The following ELMOD1 variants were observed in gnomAD, a reference collection of about 807,000 sequenced individuals.
ELMOD1 encodes the protein ELMO domain-containing protein 1.
A neutral mutation model predicts 46.7 loss-of-function variants in ELMOD1; 21 were observed. That is an observed-to-expected ratio of 0.45 (90% confidence interval 0.32 to 0.65). ELMOD1 has a LOEUF of 0.65. Ranked by LOEUF, ELMOD1 falls within the 30% of genes least tolerant of loss-of-function variation. ELMOD1 has a pLI of 0.04. For missense variants in ELMOD1, 348 were observed against 407.8 expected (o/e 0.85, Z 1.26); for synonymous variants, 122 against 138.2 (o/e 0.88, Z 0.82).
At chr11:107,644,119 A>T (rs1276125182) in intron 6 of ELMOD1, among the ~76,000 whole-genome samples, 1 of 151,924 alleles carries the variant, frequency 6.6e-6, no homozygotes, top group Admixed American at 6.6e-5. Flanking sequence ...CTAAAAAATA[A>T]AATAAAATAA....
At chr11:107,635,596 G>A in intron 5 of ELMOD1, 40 bp from the exon 6 acceptor site, 4 of 1,596,318 alleles carry the variant, frequency 2.5e-6, no homozygotes, top group Non-Finnish European at 3.4e-6. Flanking sequence ...TGAATGCCCT[G>A]TTCTTCCTTG....
intron 7 of ELMOD1, 66 bp from the exon 8 acceptor site, chr11:107,650,269 T>C: frequency 8.5e-7 from 1 of 1,177,512 alleles, no homozygotes; most frequent in Non-Finnish European, 1.2e-6. Context: ...TCGAATTGGA[T>C]TAAAATGAAT....
intron 2 of ELMOD1, chr11:107,620,466 G>C (rs1432470955): frequency 6.6e-6 from 1 of 152,222 alleles, no homozygotes; most frequent in Non-Finnish European, 1.5e-5. Flanking sequence ...AATGCTATTT[G>C]ATTAGTACAC....
At chr11:107,632,634 A>G (rs1367580591) in intron 5 of ELMOD1, among the ~76,000 whole-genome samples, 2 of 152,210 alleles carry the variant, frequency 1.3e-5, no homozygotes, top group Non-Finnish European at 2.9e-5. Context: ...TTACTTATAT[A>G]GTAAAGGTCT....
chr11:107,630,606 G>A (rs1173265338), intron 3 of ELMOD1, 44 bp downstream of exon 3: 1 of 1,605,274 alleles, frequency 6.2e-7, no homozygotes, highest in Admixed American at 1.7e-5. Flanking sequence ...GAGTTGGTAT[G>A]ATGGAAGATA....
At chr11:107,655,340 C>T (rs1866608302) in intron 10 of ELMOD1, among the ~76,000 whole-genome samples, 1 of 152,018 alleles carries the variant, frequency 6.6e-6, no homozygotes, top group Non-Finnish European at 1.5e-5. Flanking sequence ...ATTAAAAATG[C>T]TATAATGAAT....
intron 5 of ELMOD1, among the ~76,000 whole-genome samples, chr11:107,633,030 T>C (rs1454214488): frequency 6.6e-6 from 1 of 152,230 alleles, no homozygotes; most frequent in African/African-American, 2.4e-5. Flanking sequence ...TTGTATAAAA[T>C]TACCTTCAGG....
chr11:107,594,107 G>A (rs1356416647), intron 1 of ELMOD1, among the ~76,000 whole-genome samples: 1 of 152,022 alleles, frequency 6.6e-6, no homozygotes, highest in Non-Finnish European at 1.5e-5. Flanking sequence ...GAGTTGCTGT[G>A]CCAGTAGTGT....
At chr11:107,646,375 A>G (rs1451310953) in intron 6 of ELMOD1, among the ~76,000 whole-genome samples, 1 of 152,210 alleles carries the variant, frequency 6.6e-6, no homozygotes, top group Non-Finnish European at 1.5e-5. Context: ...CATGAACATT[A>G]CTGATATTCC....
rs577404444 is a variant in ELMOD1 at position 107,637,771 on chromosome 11, A to T, written c.420+2006A>T. On this transcript the variant is annotated intron_variant, in intron 6 of 11. Transcript: ENST00000265840. ...CTAAGGTATCTTTGAAATGTTTTCC[A>T]TGCCCAATGCCTTATTCTAGCCATC... Among the ~76,000 whole-genome samples, 57 of 152,144 alleles carry T rather than the reference A, an allele frequency of 3.7e-4. 1 individual carries two copies. The highest frequency in any genetic ancestry group is 3.1e-3 in the Admixed American group (48 of 15,288).
At chr11:107,608,463 C>T (rs1174316753) in intron 1 of ELMOD1, among the ~76,000 whole-genome samples, 3 of 152,070 alleles carry the variant, frequency 2.0e-5, no homozygotes, top group African/African-American at 7.2e-5. Flanking sequence ...GACTGAAGAA[C>T]GAAATCACCA....
chr11:107,655,988 G>T lies in ELMOD1; in HGVS notation c.754G>T (p.Val252Phe). The T allele has an allele frequency of 6.3e-7, 1 of 1,592,504 alleles. No homozygotes were observed. The highest frequency in any genetic ancestry group is 8.6e-7 in the Non-Finnish European group (1 of 1,167,882). The change falls in exon 11 of 12, where the codon GTC (valine) becomes TTC (phenylalanine). Residue 252 changes from valine (V) to phenylalanine (F), a missense_variant. By Grantham distance (50) the Val-to-Phe change is conservative (BLOSUM62 -1). Transcript: ENST00000265840. ...AACTGACCTGGCATATAATCTACTG[G>T]TCAGCGGAGCTCTAAAAACCCATTT... ...NITDLAYNLLVSGALKTHFYN... is the reference protein window; with the variant it reads ...NITDLAYNLLFSGALKTHFYN...
chr11:107,651,490 T>C (rs1243034007), intron 9 of ELMOD1, among the ~76,000 whole-genome samples: 4 of 152,274 alleles, frequency 2.6e-5, no homozygotes, highest in East Asian at 1.9e-4. Context: ...GGGCTTTTTT[T>C]CCCCCTCCAC....
intron 10 of ELMOD1, 48 bp downstream of exon 10, chr11:107,654,270 C>G (rs763957076): frequency 2.7e-6 from 4 of 1,492,096 alleles, no homozygotes; most frequent in Non-Finnish European, 2.8e-6. Flanking sequence ...GAAACAGAAC[C>G]AGAACTAGAA....
intron 9 of ELMOD1, among the ~76,000 whole-genome samples, chr11:107,652,026 T>C (rs1360864609): frequency 2.0e-5 from 3 of 152,190 alleles, no homozygotes; most frequent in Non-Finnish European, 4.4e-5. Flanking sequence ...TGTGTAGTCA[T>C]GTATATAAAA....
chr11:107,599,184 G>C (rs1311863478), intron 1 of ELMOD1, among the ~76,000 whole-genome samples: 1 of 152,132 alleles, frequency 6.6e-6, no homozygotes, highest in Non-Finnish European at 1.5e-5. Context: ...TTTAAAAATT[G>C]ATTTAGTACA....
chr11:107,657,001 G>A (rs1434198441), intron 11 of ELMOD1, among the ~76,000 whole-genome samples: 1 of 151,964 alleles, frequency 6.6e-6, no homozygotes, highest in African/African-American at 2.4e-5. Flanking sequence ...CTAAGGAAGG[G>A]GAATCAAAGA....
chr11:107,652,139 T>C (rs1255571279), intron 9 of ELMOD1, among the ~76,000 whole-genome samples: 2 of 152,252 alleles, frequency 1.3e-5, no homozygotes, highest in Admixed American at 1.3e-4. Context: ...CAGAACAGAA[T>C]GTTTCAAAAT....
chr11:107,629,090 T>C (rs554637935), intron 2 of ELMOD1, among the ~76,000 whole-genome samples: 45 of 152,338 alleles, frequency 3.0e-4, no homozygotes, highest in African/African-American at 1.1e-3. Flanking sequence ...TTGTTTTGTA[T>C]GGTTTCTTTC....
Sources: gnomAD v4.1 joint callset for allele counts (sites outside exome capture counted in the v4.1 genomes callset) on GRCh38, gnomAD v4.1.1 for gene constraint, MANE v1.5 for transcripts, NCBI Gene and HGNC (gene_info 2026-07-23, HGNC 2026-07-21) for gene names.